The following BCL2L13 variants were observed in gnomAD, a reference collection of about 807,000 sequenced individuals.
The protein encoded by BCL2L13 is bcl-2-like protein 13.
Under a neutral mutation model 25.8 loss-of-function variants are expected in BCL2L13, and 13 were observed. The observed-to-expected ratio is 0.50, with a 90% confidence interval of 0.33 to 0.80. The LOEUF is 0.80. Ranked by LOEUF, BCL2L13 falls within the 30% of genes least tolerant of loss-of-function variation. The pLI is 0.02. For synonymous variants in BCL2L13, 244 were observed against 230.3 expected (o/e 1.06, Z -0.54); for missense variants, 504 against 574.9 (o/e 0.88, Z 1.26).
intron 1 of BCL2L13, among the ~76,000 whole-genome samples, chr22:17,631,660 G>GTA (rs1568903357): frequency 1.1e-3 from 7 of 6,390 alleles, no homozygotes; most frequent in African/African-American, 3.6e-3. Flanking sequence ...GTGTATGTAT[G>GTA]TGTGTGTGTG....
chr22:17,712,647 C>G (rs1208726563), intron 6 of BCL2L13, among the ~76,000 whole-genome samples: 1 of 152,184 alleles, frequency 6.6e-6, no homozygotes, highest in Non-Finnish European at 1.5e-5. Context: ...GTTAGAGGAT[C>G]TGCATGACTC....
chr22:17,685,759 TC>T (rs1318726651), intron 3 of BCL2L13, among the ~76,000 whole-genome samples: 16 of 129,564 alleles, frequency 1.2e-4, no homozygotes, highest in African/African-American at 4.1e-4. Context: ...TTTTTCTTTT[TC>T]TTTTTTTTTT....
In BCL2L13 at chr22:17,659,084, G is replaced by T. The variant is rs1157187238; in HGVS notation, c.121+3252G>T. Among the ~76,000 whole-genome samples, 25 of 111,394 alleles carry T rather than the reference G, an allele frequency of 2.2e-4. 1 individual carries two copies. Among genetic ancestry groups the T allele is most frequent in the African/African-American group, 7.3e-4 (22 of 30,212 alleles). The allele number at this position is 111,394 out of a possible 152,430, so 73.1% of individuals were successfully genotyped here. On this transcript the variant is annotated intron_variant, in intron 2 of 6. Transcript: ENST00000317582. ...AAAAAAAAAAAAAAAAAAAAAAAAA[G>T]GCCAGGCACGGTGGCTCACGCCTGT...
chr22:17,669,550 C>T (rs148599698), intron 2 of BCL2L13, among the ~76,000 whole-genome samples: 101 of 152,252 alleles, frequency 6.6e-4, no homozygotes, highest in African/African-American at 2.2e-3. Context: ...CACTGAGAAC[C>T]TTGAAGATGG....
At chr22:17,726,553 T>C (rs1332891676) in intron 6 of BCL2L13, 124 bp from the exon 7 acceptor site, 4 of 1,124,756 alleles carry the variant, frequency 3.6e-6, no homozygotes, top group Non-Finnish European at 5.0e-6. Flanking sequence ...TCGGAAACTA[T>C]GTAGGTTTAA....
At chr22:17,703,311 T>C (rs1461579317) in intron 6 of BCL2L13, 3 of 152,236 alleles carry the variant, frequency 2.0e-5, no homozygotes, top group African/African-American at 7.2e-5. Context: ...ATAATACGTA[T>C]TTTAAATCTT....
At chr22:17,669,937 C>T (rs908568414) in intron 2 of BCL2L13, among the ~76,000 whole-genome samples, 2 of 152,292 alleles carry the variant, frequency 1.3e-5, no homozygotes, top group South Asian at 2.1e-4. Flanking sequence ...TATCCAGTTT[C>T]AGGTATTCTT....
At chr22:17,722,085 A>G (rs1294248521) in intron 6 of BCL2L13, among the ~76,000 whole-genome samples, 1 of 152,228 alleles carries the variant, frequency 6.6e-6, no homozygotes, top group African/African-American at 2.4e-5. Flanking sequence ...GTATAAATAT[A>G]TGCAAATAAG....
intron 6 of BCL2L13, among the ~76,000 whole-genome samples, chr22:17,721,981 C>G (rs1303543426): frequency 6.6e-6 from 1 of 152,102 alleles, no homozygotes; most frequent in Non-Finnish European, 1.5e-5. Flanking sequence ...ATGATGCACA[C>G]TTTTCTTGTT....
At chr22:17,685,395 TTTG>T (rs2059895931) in intron 3 of BCL2L13, among the ~76,000 whole-genome samples, 1 of 151,918 alleles carries the variant, frequency 6.6e-6, no homozygotes, top group Non-Finnish European at 1.5e-5. Flanking sequence ...CCAGCTAATT[TTTG>T]TTTTTAGTAG....
At chr22:17,708,327 G>A (rs1340854634) in intron 6 of BCL2L13, among the ~76,000 whole-genome samples, 1 of 152,166 alleles carries the variant, frequency 6.6e-6, no homozygotes, top group African/African-American at 2.4e-5. Context: ...TCATCTAAGA[G>A]GTAGGACAGC....
At position 17,631,662 on chromosome 22, in the gene BCL2L13, G is replaced by GTA. The variant is rs1372249082; in HGVS notation, c.-650+2658_-650+2659insAT. Among the ~76,000 whole-genome samples, 178 of 32,122 alleles carry GTA rather than the reference G, an allele frequency of 5.5e-3. 9 individuals are homozygous for GTA. Among genetic ancestry groups the GTA allele is most frequent in the African/African-American group, 0.022 (150 of 6,742 alleles). 21.1% of individuals were successfully genotyped at this position (32,122 alleles called of 152,430 possible). On this transcript the variant is annotated intron_variant, in intron 1 of 6. Coordinates refer to the BCL2L13 transcript ENST00000399782. ...GAATGGTACGTGTGTGTATGTATGTGTGTGTGTGTATATATATATATATAT... is the reference window on the plus strand; with the variant it reads ...GAATGGTACGTGTGTGTATGTATGTGTATGTGTGTGTATATATATATATATAT...
At chr22:17,672,928 C>T (rs2059459216) in intron 2 of BCL2L13, among the ~76,000 whole-genome samples, 1 of 152,088 alleles carries the variant, frequency 6.6e-6, no homozygotes, top group African/African-American at 2.4e-5. Flanking sequence ...CAAAAAGGGG[C>T]AGATGACAGA....
chr22:17,688,295 A>G (rs913402782), intron 3 of BCL2L13, among the ~76,000 whole-genome samples: 10 of 152,182 alleles, frequency 6.6e-5, no homozygotes, highest in African/African-American at 2.4e-4. Flanking sequence ...TAATCTTCAT[A>G]TAATAGTTTG....
intron 1 of BCL2L13, among the ~76,000 whole-genome samples, chr22:17,641,186 G>T (rs977802016): frequency 6.6e-6 from 1 of 151,904 alleles, no homozygotes; most frequent in Non-Finnish European, 1.5e-5. Context: ...CACTGCGCCC[G>T]GCCTAAATAG....
At chr22:17,641,696 A>G (rs1003579686) in intron 1 of BCL2L13, among the ~76,000 whole-genome samples, 5 of 152,072 alleles carry the variant, frequency 3.3e-5, no homozygotes, top group African/African-American at 1.2e-4. Flanking sequence ...ATTCTTTATT[A>G]CTGGTCCTCC....
chr22:17,685,154 G>T (rs756832439), intron 3 of BCL2L13, among the ~76,000 whole-genome samples: 1 of 152,108 alleles, frequency 6.6e-6, no homozygotes, highest in Non-Finnish European at 1.5e-5. Flanking sequence ...GATTAAAGGC[G>T]TGATCCACTG....
intron 1 of BCL2L13, among the ~76,000 whole-genome samples, chr22:17,631,664 GTGTGTGTATATATATATATA>G (rs372766474): frequency 0.054 from 1,439 of 26,796 alleles, 97 homozygotes; most frequent in Middle Eastern, 0.12. Flanking sequence ...ATGTATGTGT[GTGTGTGTATATATATATATA>G]TATATATATA....
chr22:17,640,645 C>T (rs887479763), intron 1 of BCL2L13, among the ~76,000 whole-genome samples: 10 of 151,600 alleles, frequency 6.6e-5, no homozygotes, highest in Non-Finnish European at 1.0e-4. Flanking sequence ...TTGCTTGAGC[C>T]CGGGAGTTCG....
Sources: gnomAD v4.1 joint callset for allele counts (sites outside exome capture counted in the v4.1 genomes callset) on GRCh38, gnomAD v4.1.1 for gene constraint, MANE v1.5 for transcripts, NCBI Gene and HGNC (gene_info 2026-07-23, HGNC 2026-07-21) for gene names.